EEF1E1: variants seen among roughly 807,000 people sequenced by gnomAD.
The protein encoded by EEF1E1 is eukaryotic translation elongation factor 1 epsilon-1.
In EEF1E1, 19 loss-of-function variants were observed where a neutral mutation model predicts 19.9. The observed-to-expected ratio is 0.95, with a 90% CI of 0.66 to 1.40. The LOEUF is 1.40. Among genes scored for constraint, EEF1E1 ranks in the 40% most tolerant of loss-of-function variants. The pLI, the probability that EEF1E1 is intolerant of heterozygous loss-of-function variation, is 0.00. For synonymous variants in EEF1E1, 81 were observed against 80.0 expected (o/e 1.01, Z -0.07); for missense variants, 198 against 202.2 (o/e 0.98, Z 0.13).
Position 8,102,545 on chromosome 6 carries a change from A to T in EEF1E1, c.-24T>A. The T allele has an allele frequency of 1.2e-6, 2 of 1,606,428 alleles. No individual in the cohort carries two copies. Among genetic ancestry groups the T allele is most frequent in the Non-Finnish European group, 1.7e-6 (2 of 1,179,118 alleles). ...ATCTTCCGGCCGTAGCTCCTGGCAGACGCGAGACCTGCAGAACAAGAACCT... is the reference window on the plus strand; with the variant it reads ...ATCTTCCGGCCGTAGCTCCTGGCAGTCGCGAGACCTGCAGAACAAGAACCT... On this transcript the variant is annotated 5_prime_UTR_variant, in exon 1 of 4. Transcript: ENST00000379715.
At chr6:8,076,085 G>C (rs1757580999), downstream of EEF1E1, among the ~76,000 whole-genome samples, 1 of 151,992 alleles carries the variant, frequency 6.6e-6, no homozygotes, top group Non-Finnish European at 1.5e-5. Context: ...ATCCGTAGTT[G>C]TTTCCTCCAC....
chr6:8,094,744 C>T (rs954590162), intron 2 of EEF1E1, among the ~76,000 whole-genome samples: 1 of 152,156 alleles, frequency 6.6e-6, no homozygotes, highest in Non-Finnish European at 1.5e-5. Flanking sequence ...AAATTTTCTT[C>T]TACCTCTGTC....
intron 3 of EEF1E1, chr6:8,073,605 G>A (rs1379825583): frequency 4.7e-6 from 7 of 1,476,130 alleles, no homozygotes; most frequent in Non-Finnish European, 6.3e-6. Context: ...ATCTATTATT[G>A]TTGTTATTAA....
intron 3 of EEF1E1, among the ~76,000 whole-genome samples, chr6:8,089,641 G>A (rs4475362): frequency 0.19 from 28,308 of 152,142 alleles, 2,846 homozygotes; most frequent in Admixed American, 0.25. Flanking sequence ...ACTGACTCAA[G>A]TGTTAATCTC....
At chr6:8,077,063 C>T (rs1485652102), downstream of EEF1E1, among the ~76,000 whole-genome samples, 4 of 151,754 alleles carry the variant, frequency 2.6e-5, no homozygotes, top group East Asian at 3.9e-4. Flanking sequence ...CCTGCCTCAG[C>T]TTCCCGAGTA....
At chr6:8,075,849 AGCT>A (rs2113628963), downstream of EEF1E1, among the ~76,000 whole-genome samples, 1 of 152,366 alleles carries the variant, frequency 6.6e-6, no homozygotes, top group Admixed American at 6.5e-5. Context: ...CCAACCCTGC[AGCT>A]GCTTTGTCAA....
chr6:8,087,709 G>T (rs1581464070), intron 3 of EEF1E1, among the ~76,000 whole-genome samples: 1 of 152,182 alleles, frequency 6.6e-6, no homozygotes, highest in South Asian at 2.1e-4. Flanking sequence ...TGCTCCAGGG[G>T]CCACCAAGCT....
intron 3 of EEF1E1, among the ~76,000 whole-genome samples, chr6:8,074,271 T>C (rs1454290759): frequency 1.3e-5 from 2 of 152,228 alleles, no homozygotes; most frequent in Non-Finnish European, 2.9e-5. Context: ...CCCACCCTGA[T>C]GTTACTGGGC....
intron 1 of EEF1E1, among the ~76,000 whole-genome samples, chr6:8,101,246 ATATATATAT>A (rs1561647169): frequency 0.023 from 1,078 of 47,110 alleles, 129 homozygotes; most frequent in Middle Eastern, 0.061. Context: ...AAAAAAAAAT[ATATATATAT>A]ATATATATAT....
At chr6:8,077,446 A>T (rs1343673948), downstream of EEF1E1, among the ~76,000 whole-genome samples, 1 of 152,192 alleles carries the variant, frequency 6.6e-6, no homozygotes, top group Non-Finnish European at 1.5e-5. Flanking sequence ...TTTCATATAC[A>T]CTGAAAATCT....
chr6:8,083,255 G>A (rs1440911993), intron 3 of EEF1E1, among the ~76,000 whole-genome samples: 1 of 152,136 alleles, frequency 6.6e-6, no homozygotes, highest in Non-Finnish European at 1.5e-5. Context: ...TTTCCAACTG[G>A]CACCACGTTG....
chr6:8,084,417 T>C (rs62395799), intron 3 of EEF1E1, among the ~76,000 whole-genome samples: 30,805 of 152,190 alleles, frequency 0.2, 3,318 homozygotes, highest in Middle Eastern at 0.36. Context: ...ACAAGTTCCC[T>C]CCTTTTCCGA....
intron 3 of EEF1E1, among the ~76,000 whole-genome samples, chr6:8,081,889 T>G (rs1172692490): frequency 1.3e-5 from 2 of 152,232 alleles, no homozygotes; most frequent in Non-Finnish European, 2.9e-5. Context: ...TTCTTACCAT[T>G]TTAGTCCTTT....
intron 1 of EEF1E1, 83 bp downstream of exon 1, chr6:8,102,352 G>C: frequency 7.2e-7 from 1 of 1,379,532 alleles, no homozygotes; most frequent in Non-Finnish European, 9.9e-7. Flanking sequence ...GCCCGTATCT[G>C]GTGGCCGGCC....
At chr6:8,088,541 C>G (rs542300385) in intron 3 of EEF1E1, among the ~76,000 whole-genome samples, 2 of 152,316 alleles carry the variant, frequency 1.3e-5, no homozygotes, top group South Asian at 2.1e-4. Flanking sequence ...CACAAGCCCT[C>G]TCTGCCTGCT....
intron 1 of EEF1E1, among the ~76,000 whole-genome samples, chr6:8,097,813 C>T (rs1013078864): frequency 6.6e-5 from 10 of 151,998 alleles, no homozygotes; most frequent in Non-Finnish European, 1.2e-4. Context: ...TTACCTGCAC[C>T]CTATTATATA....
downstream of EEF1E1, among the ~76,000 whole-genome samples, chr6:8,075,150 T>G (rs1485603083): frequency 3.3e-5 from 5 of 152,184 alleles, no homozygotes; most frequent in East Asian, 7.7e-4. Context: ...GTGGCATGCT[T>G]ATAGCAGACC....
intron 2 of EEF1E1, among the ~76,000 whole-genome samples, chr6:8,094,036 T>C (rs1468048261): frequency 6.6e-6 from 1 of 152,044 alleles, no homozygotes; most frequent in Non-Finnish European, 1.5e-5. Flanking sequence ...TAACCTCAAG[T>C]GATCTGCCTG....
intron 2 of EEF1E1, among the ~76,000 whole-genome samples, chr6:8,092,950 C>T (rs1370986478): frequency 1.4e-5 from 2 of 143,994 alleles, no homozygotes; most frequent in Non-Finnish European, 3.0e-5. Context: ...TCTGGGCTCA[C>T]CACAACCTCT....
Sources: gnomAD v4.1 joint callset for allele counts (sites outside exome capture counted in the v4.1 genomes callset) on GRCh38, gnomAD v4.1.1 for gene constraint, MANE v1.5 for transcripts, NCBI Gene and HGNC (gene_info 2026-07-23, HGNC 2026-07-21) for gene names.